Variants in MAP3K4 observed in about 807,000 individuals in gnomAD.
The protein encoded by MAP3K4 is mitogen-activated protein kinase kinase kinase 4.
Under a neutral mutation model 185.6 loss-of-function variants are expected in MAP3K4, and 67 were observed. That is an observed-to-expected ratio of 0.36 (90% CI 0.30 to 0.44). The LOEUF (loss-of-function observed/expected upper bound fraction) is 0.44. Ranked by LOEUF, MAP3K4 falls within the 20% of genes least tolerant of loss-of-function variation. The probability of loss-of-function intolerance (pLI) is 1.00; values close to 1 mark genes in which losing one functional copy is unlikely to be tolerated. For synonymous variants in MAP3K4, 702 were observed against 710.4 expected, an observed-to-expected ratio of 0.99 and a Z score of 0.19; for missense variants, 1,551 against 1,995.1, an observed-to-expected ratio of 0.78 and a Z score of 4.24.
At position 161,110,577 on chromosome 6, in the gene MAP3K4, AG is replaced by A. The variant is rs1253990338; in HGVS notation, c.4396+665del. On this transcript the variant is annotated intron_variant, in intron 23 of 26. Transcript: ENST00000392142. This position sits in a 1 kb window ranked among gnomAD's most constrained non-coding sequence, Gnocchi z 4.8. The stretch of plus-strand genomic sequence containing the variant: ...AGTATTTTTGTGCCTATTTGGCCCT[AG>A]GCTGAAGAGTTTCATTCTGTCCTGT... 2.6e-5 allele frequency among the ~76,000 whole-genome samples: 4 copies of A among 152,212 alleles called. No homozygotes were observed. Among genetic ancestry groups the A allele is most frequent in the African/African-American group, 9.6e-5 (4 of 41,460 alleles).
rs878915617 is a variant in MAP3K4, at chr6:161,084,653, A to G, written c.2372+36A>G. 8.4e-6 allele frequency: 10 copies of G among 1,187,312 alleles called. No individual in the cohort carries two copies. Among genetic ancestry groups the G allele is most frequent in the South Asian group, 6.1e-5 (5 of 81,746 alleles). 73.5% of individuals were successfully genotyped at this position (1,187,312 alleles called of 1,614,324 possible). A position where few individuals can be genotyped will look rare whatever the true frequency, so the allele number is the denominator to read the frequency against. ...TGCTTCCTTTCCCCTTCCACTTCTT[A>G]TCTCGTAGTTTCCTTCCTCATGGTG... On this transcript the variant is annotated intron_variant, in intron 7 of 26. Transcript: ENST00000392142. This position sits in a 1 kb window ranked among gnomAD's most constrained non-coding sequence, Gnocchi z 4.6.
chr6:161,001,677 C>T (rs1274319109), intron 1 of MAP3K4, among the ~76,000 whole-genome samples: 1 of 152,102 alleles, frequency 6.6e-6, no homozygotes, highest in African/African-American at 2.4e-5. Flanking sequence ...GGAGGCAGAG[C>T]ATAGGTTTTG....
chr6:161,014,231 G>T (rs1159454920), intron 1 of MAP3K4, among the ~76,000 whole-genome samples: 1 of 152,000 alleles, frequency 6.6e-6, no homozygotes, highest in East Asian at 1.9e-4. Context: ...TTCCTTTTAG[G>T]CTTCTTATGC....
Position 161,088,037 on chromosome 6 carries a change from G to A in MAP3K4, c.2823+83G>A. 1 of 1,406,672 alleles carries A rather than the reference G, an allele frequency of 7.1e-7. No individual in the cohort carries two copies. Among genetic ancestry groups the A allele is most frequent in the Non-Finnish European group, 9.6e-7 (1 of 1,045,844 alleles). 87.1% of individuals were successfully genotyped at this position (1,406,672 alleles called of 1,614,324 possible). A position where few individuals can be genotyped will look rare whatever the true frequency, so the allele number is the denominator to read the frequency against. On this transcript the variant is annotated intron_variant, in intron 10 of 26. Transcript: ENST00000392142. This position sits in a 1 kb window ranked among gnomAD's most constrained non-coding sequence, Gnocchi z 4.5. The stretch of plus-strand genomic sequence containing the variant: ...AACTGTTAGCTGCTCATGAATGAGG[G>A]GTTTGACTACCCTAGTAATCACAAG...
intron 3 of MAP3K4, among the ~76,000 whole-genome samples, chr6:161,058,703 T>A (rs1784354210): frequency 6.6e-6 from 1 of 152,158 alleles, no homozygotes; most frequent in Non-Finnish European, 1.5e-5. Flanking sequence ...TACATAATCC[T>A]ACTACAACTT....
At chr6:161,020,144 A>G (rs566795494) in intron 1 of MAP3K4, among the ~76,000 whole-genome samples, 1 of 152,224 alleles carries the variant, frequency 6.6e-6, no homozygotes, top group Non-Finnish European at 1.5e-5. Flanking sequence ...AATACATGTC[A>G]CTGTGAGATA....
chr6:161,006,827 A>C (rs189721421), intron 1 of MAP3K4, among the ~76,000 whole-genome samples: 1 of 152,200 alleles, frequency 6.6e-6, no homozygotes, highest in East Asian at 1.9e-4. Context: ...AGCATACGCA[A>C]ATGTAACATT....
rs771730577 is a variant in MAP3K4, at chr6:161,091,565, C to T, written c.3135+25C>T. 5.6e-6 allele frequency: 9 copies of T among 1,595,776 alleles called. No homozygotes were observed. The highest frequency in any genetic ancestry group is 3.5e-5 in the Admixed American group (2 of 56,452). Reference sequence around the variant, plus strand: ...GGTAGGTTCAAAATAAGAGGAAACACGGTACAATTTAGTAATTGCTTGATA... The same window carrying T: ...GGTAGGTTCAAAATAAGAGGAAACATGGTACAATTTAGTAATTGCTTGATA... On this transcript the variant is annotated intron_variant, in intron 12 of 26. Transcript: ENST00000392142. This position sits in a 1 kb window ranked among gnomAD's most constrained non-coding sequence, Gnocchi z 5.5.
Position 161,092,253 on chromosome 6 carries a change from C to G in MAP3K4, c.3269+110C>G, listed in dbSNP as rs776536911. ...AGCAGACGACACAGAAGGGAACACT[C>G]TAAACTCTTCGGTGATCAGGTTTTT... On this transcript the variant is annotated intron_variant, in intron 13 of 26. Transcript: ENST00000392142. The G allele has an allele frequency of 6.0e-4, 700 of 1,158,912 alleles. 7 individuals carry two copies. Among genetic ancestry groups the G allele is most frequent in the Non-Finnish European group, 1.4e-4 (122 of 847,574 alleles). The allele number at this position is 1,158,912 out of a possible 1,614,324, so 71.8% of individuals were successfully genotyped here.
chr6:161,087,184 A>C lies in MAP3K4; in HGVS notation c.2557-504A>C, dbSNP rs1467243309. 6.6e-6 allele frequency among the ~76,000 whole-genome samples: 1 copy of C among 152,308 alleles called. No homozygotes were observed. The highest frequency in any genetic ancestry group is 2.4e-5 in the African/African-American group (1 of 41,560). ...AAGCCCACAGTTGTATCCCGCTCCC[A>C]TACTGAGAGTGGGAGGGATGACCTG... On this transcript the variant is annotated intron_variant, in intron 9 of 26. Coordinates refer to ENST00000392142, the MANE Select transcript of MAP3K4 (RefSeq NM_005922.4). This position sits in a 1 kb window ranked among gnomAD's most constrained non-coding sequence, Gnocchi z 4.9.
At chr6:161,069,061 T>G (rs1338855771) in intron 3 of MAP3K4, among the ~76,000 whole-genome samples, 1 of 152,228 alleles carries the variant, frequency 6.6e-6, no homozygotes, top group Non-Finnish European at 1.5e-5. Flanking sequence ...ATATGTAGTA[T>G]GTTTTTAGAG....
At chr6:161,083,594 A>G (rs1232297204) in intron 6 of MAP3K4, among the ~76,000 whole-genome samples, 5 of 151,508 alleles carry the variant, frequency 3.3e-5, no homozygotes, top group Non-Finnish European at 7.4e-5. Context: ...AATACCCACT[A>G]CTCTTCAGAT....
rs1440155720 is a variant in MAP3K4 at position 160,996,022 on chromosome 6, T to C, written c.152+3939T>C. Among the ~76,000 whole-genome samples the C allele has an allele frequency of 6.6e-6, 1 of 152,252 alleles. No individual in the cohort carries two copies. The highest frequency in any genetic ancestry group is 1.5e-5 in the Non-Finnish European group (1 of 68,040). On this transcript the variant is annotated intron_variant, in intron 1 of 26. Coordinates refer to ENST00000392142, the MANE Select transcript of MAP3K4 (RefSeq NM_005922.4). This position sits in a 1 kb window ranked among gnomAD's most constrained non-coding sequence, Gnocchi z 4.5. ...AATTCATTTGAAAAACTGGATTTCC[T>C]ACTAAAAAACTAGTTGAATGTCGTC...
intron 1 of MAP3K4, among the ~76,000 whole-genome samples, chr6:161,025,864 T>A (rs189065310): frequency 3.3e-5 from 5 of 152,332 alleles, no homozygotes; most frequent in Middle Eastern, 3.4e-3. Context: ...TTGTTTTTCC[T>A]CCCAGCTTTG....
At chr6:161,057,613 C>T (rs1202916637) in intron 3 of MAP3K4, among the ~76,000 whole-genome samples, 1 of 152,168 alleles carries the variant, frequency 6.6e-6, no homozygotes, top group East Asian at 1.9e-4. Context: ...CTCCTGTGTG[C>T]CTCACGTGAA....
At chr6:161,028,572 A>C (rs975929356) in intron 1 of MAP3K4, among the ~76,000 whole-genome samples, 1 of 152,198 alleles carries the variant, frequency 6.6e-6, no homozygotes, top group Non-Finnish European at 1.5e-5. Context: ...TGTTCTAGAC[A>C]CCGGAGAAGC....
At position 161,022,126 on chromosome 6, in the gene MAP3K4, C is replaced by G. The variant is rs1676873721; in HGVS notation, c.153-12133C>G. ...ACACGCACACCGGCACACACCCAGG[C>G]TCATGTGAAAGGAACGGAGACTCAA... On this transcript the variant is annotated intron_variant, in intron 1 of 26. Transcript: ENST00000392142. This position sits in a 1 kb window ranked among gnomAD's most constrained non-coding sequence, Gnocchi z 4.2. 6.6e-6 allele frequency: 1 copy of G among 152,306 alleles called. No individual in the cohort carries two copies. The highest frequency in any genetic ancestry group is 2.1e-4 in the South Asian group (1 of 4,826). 9.4% of individuals were successfully genotyped at this position (152,306 alleles called of 1,614,324 possible). A position where few individuals can be genotyped will look rare whatever the true frequency, so the allele number is the denominator to read the frequency against.
In MAP3K4 at chr6:161,093,417, A is replaced by T. The variant is rs186921641; in HGVS notation, c.3349-356A>T. On this transcript the variant is annotated intron_variant, in intron 14 of 26. Coordinates refer to ENST00000392142, the MANE Select transcript of MAP3K4 (RefSeq NM_005922.4). This position sits in a 1 kb window ranked among gnomAD's most constrained non-coding sequence, Gnocchi z 5.2. ...GAGCATCATGCTCGTGTTAAATATT[A>T]TCACTGTTAGTCTGATAAGTGTCAT... is the stretch of plus-strand genomic sequence containing the variant. Among the ~76,000 whole-genome samples the T allele has an allele frequency of 6.6e-6, 1 of 152,334 alleles. No individual in the cohort carries two copies. The highest frequency in any genetic ancestry group is 1.5e-5 in the Non-Finnish European group (1 of 68,022).
rs561564211 is a variant in MAP3K4, at chr6:160,996,429, G to A, written c.152+4346G>A. Among the ~76,000 whole-genome samples, 1 of 152,216 alleles carries A rather than the reference G, an allele frequency of 6.6e-6. No individual in the cohort carries two copies. The highest frequency in any genetic ancestry group is 2.4e-5 in the African/African-American group (1 of 41,530). The stretch of plus-strand genomic sequence containing the variant: ...CTTGTTCTGAGCTCTGCTGAAATAC[G>A]GGGATATAAAGGTCTTGCCTGCTCA... On this transcript the variant is annotated intron_variant, in intron 1 of 26. Transcript: ENST00000392142. The surrounding 1 kb of genome is among the most constrained non-coding windows in gnomAD (Gnocchi z 4.5).
Sources: gnomAD v4.1 joint callset for allele counts (sites outside exome capture counted in the v4.1 genomes callset) on GRCh38, gnomAD v4.1.1 for gene constraint, Gnocchi (gnomAD v3.1) non-coding constraint, MANE v1.5 for transcripts, NCBI Gene and HGNC (gene_info 2026-07-23, HGNC 2026-07-21) for gene names.